Variants in C6 observed in about 807,000 individuals in gnomAD.
The protein encoded by C6 is complement component C6.
In C6, 101 loss-of-function variants were observed where a neutral mutation model predicts 112.9. The ratio of observed to expected loss-of-function variants is 0.89; its 90% CI spans 0.76 to 1.06. The LOEUF (loss-of-function observed/expected upper bound fraction) is 1.06. Among genes scored for constraint, C6 ranks in the 50% least tolerant of loss-of-function variants. C6 has a pLI of 0.00. For missense variants in C6, 1,202 were observed against 1,104.6 expected (o/e 1.09, Z -1.25); for synonymous variants, 431 against 384.1 (o/e 1.12, Z -1.43).
chr5:41,162,323 A>G (rs553355392), intron 9 of C6, among the ~76,000 whole-genome samples: 167 of 152,282 alleles, frequency 1.1e-3, no homozygotes, highest in Non-Finnish European at 2.0e-3. Context: ...CCAGAATAAG[A>G]TAAGTCACAT....
chr5:41,176,365 A>G lies in C6; in HGVS notation c.1168+110T>C. On this transcript the variant is annotated intron_variant, in intron 8 of 17. Transcript: ENST00000337836. ...ATTCTTCATATCATTTTGGAAATAA[A>G]GCAGGATCTAAATAAAGTCAAAGCA... 3.6e-6 allele frequency: 4 copies of G among 1,103,382 alleles called. No homozygotes were observed. In the South Asian group the frequency reaches 6.1e-5, roughly 17 times the overall value. The allele number at this position is 1,103,382 out of a possible 1,614,324, so 68.3% of individuals were successfully genotyped here.
At position 41,149,993 on chromosome 5, in the gene C6, G is replaced by A; in HGVS notation, c.2323C>T (p.Leu775=). 3 of 1,612,808 alleles carry A rather than the reference G, an allele frequency of 1.9e-6. No homozygotes were observed. Among genetic ancestry groups the A allele is most frequent in the Non-Finnish European group, 2.5e-6 (3 of 1,178,948 alleles). The change falls in exon 16 of 18, where the codon CTG becomes TTG. Residue 775 remains leucine, a synonymous_variant. Transcript: ENST00000337836. Reference sequence around the variant, plus strand: ...TCAGATCCTGATTGTTTCTGTCCCAGCTGACAATGGCCTTTTAATTTTGTT... The same window carrying A: ...TCAGATCCTGATTGTTTCTGTCCCAACTGACAATGGCCTTTTAATTTTGTT... The part of the protein sequence containing the change: ...TLTKLKGHCQ[L]GQKQSGSECI...
upstream of C6, among the ~76,000 whole-genome samples, chr5:41,216,671 G>A (rs1215796088): frequency 1.3e-5 from 2 of 151,998 alleles, no homozygotes; most frequent in South Asian, 2.1e-4. Flanking sequence ...TCTCTTCTAT[G>A]CATTCCTCAT....
intron 1 of C6, among the ~76,000 whole-genome samples, chr5:41,254,459 T>C (rs1280301958): frequency 6.6e-6 from 1 of 152,170 alleles, no homozygotes; most frequent in African/African-American, 2.4e-5. Flanking sequence ...CCTTAGCTAG[T>C]AAAATAGAGT....
chr5:41,233,304 A>G (rs987468886), intron 1 of C6, among the ~76,000 whole-genome samples: 9 of 152,152 alleles, frequency 5.9e-5, no homozygotes, highest in Non-Finnish European at 1.2e-4. Context: ...TTGTGGCACA[A>G]AAGATATGGG....
intron 15 of C6, among the ~76,000 whole-genome samples, chr5:41,151,482 A>G (rs1746386808): frequency 6.6e-6 from 1 of 152,208 alleles, no homozygotes; most frequent in Non-Finnish European, 1.5e-5. Context: ...AGAGTTCCCT[A>G]CTGTAGATGT....
At chr5:41,180,885 T>C (rs1749274518) in intron 7 of C6, among the ~76,000 whole-genome samples, 1 of 147,894 alleles carries the variant, frequency 6.8e-6, no homozygotes, top group African/African-American at 2.5e-5. Flanking sequence ...AAAAGGAATA[T>C]AAGAGGAAAA....
rs1750889791 is a variant in C6, at chr5:41,199,989, C to A, written c.301-77G>T. 1.0e-5 allele frequency: 13 copies of A among 1,299,382 alleles called. No individual in the cohort carries two copies. The South Asian group carries it at 1.2e-4, about 12-fold the overall frequency. The allele number at this position is 1,299,382 out of a possible 1,614,324, so 80.5% of individuals were successfully genotyped here. A position where few individuals can be genotyped will look rare whatever the true frequency, so the allele number is the denominator to read the frequency against. On this transcript the variant is annotated intron_variant, in intron 3 of 17. Transcript: ENST00000337836. ...ATGTACCTAAGAAAACTGGGCTCCT[C>A]AATCACAACAGTGATTTTTCCTATG...
chr5:41,223,754 G>T (rs770882419), intron 1 of C6, among the ~76,000 whole-genome samples: 13 of 152,084 alleles, frequency 8.5e-5, no homozygotes, highest in Non-Finnish European at 1.9e-4. Flanking sequence ...GCTGGCAACA[G>T]AAACCGTACT....
intron 5 of C6, among the ~76,000 whole-genome samples, chr5:41,188,501 G>A (rs904033010): frequency 2.6e-5 from 4 of 151,976 alleles, no homozygotes; most frequent in African/African-American, 9.7e-5. Flanking sequence ...TTCAACAAGG[G>A]TGCCAAGACA....
intron 10 of C6, among the ~76,000 whole-genome samples, chr5:41,161,091 T>G (rs1463329882): frequency 6.6e-6 from 1 of 152,198 alleles, no homozygotes; most frequent in East Asian, 1.9e-4. Flanking sequence ...AAACCTTTTA[T>G]CTTCATTTAA....
At chr5:41,149,562 A>T (rs1305524492) in intron 16 of C6, 80 bp from the exon 17 acceptor site, 2 of 1,573,344 alleles carry the variant, frequency 1.3e-6, no homozygotes, top group East Asian at 4.5e-5. Context: ...TAGTGTGTTC[A>T]CTCACCAACC....
chr5:41,158,837 A>C (rs774130582), intron 12 of C6, 52 bp from the exon 13 acceptor site: 1 of 1,103,110 alleles, frequency 9.1e-7, no homozygotes, highest in South Asian at 1.2e-5. Context: ...ACACACATTT[A>C]CATGTGTGTA....
intron 1 of C6, among the ~76,000 whole-genome samples, chr5:41,209,578 T>G (rs1192658586): frequency 6.6e-6 from 1 of 150,846 alleles, no homozygotes; most frequent in Non-Finnish European, 1.5e-5. Flanking sequence ...ATACCCATAA[T>G]AGACAGAGAG....
Position 41,181,496 on chromosome 5 carries a change from T to A in C6, c.790A>T (p.Asn264Tyr). 6.2e-7 allele frequency: 1 copy of A among 1,613,804 alleles called. No homozygotes were observed. Among genetic ancestry groups the A allele is most frequent in the Non-Finnish European group, 8.5e-7 (1 of 1,179,850 alleles). ...GAGAATGAGCCTTGTTGATTTTCAT[T>A]GTGTCCAAGAGAAGTTAAATCCTTG... ...FYKDLTSLGH[N>Y]ENQQGSFSSQ... is the part of the protein sequence containing the mutation. The change falls in exon 7 of 18, where the codon AAT becomes TAT. Residue 264 changes from asparagine to tyrosine, a missense_variant. By Grantham distance (143) the Asn-to-Tyr change is moderately radical. Coordinates refer to ENST00000337836, the MANE Select transcript of C6 (RefSeq NM_000065.5).
At chr5:41,235,018 A>C (rs1740169806) in intron 1 of C6, among the ~76,000 whole-genome samples, 1 of 150,174 alleles carries the variant, frequency 6.7e-6, no homozygotes, top group Non-Finnish European at 1.5e-5. Context: ...GCCAAAAATG[A>C]GGATAATATT....
upstream of C6, chr5:41,213,617 A>G: frequency 1.1e-6 from 1 of 900,860 alleles, no homozygotes; most frequent in Non-Finnish European, 1.3e-6. Context: ...GTAACCCTGA[A>G]ACTCTGGGTG....
chr5:41,206,698 C>A (rs1211657742), intron 1 of C6, among the ~76,000 whole-genome samples: 2 of 152,096 alleles, frequency 1.3e-5, no homozygotes, highest in African/African-American at 4.8e-5. Context: ...AAGAAATGAA[C>A]GAAGCCTCCA....
At chr5:41,180,000 T>C (rs1267752741) in intron 7 of C6, among the ~76,000 whole-genome samples, 1 of 152,146 alleles carries the variant, frequency 6.6e-6, no homozygotes, top group East Asian at 1.9e-4. Flanking sequence ...TAAATGTTCG[T>C]TGAATTAAAA....
Sources: allele counts gnomAD v4.1 joint callset (sites outside exome capture counted in the v4.1 genomes callset), GRCh38; gene constraint gnomAD v4.1.1; transcripts MANE v1.5; gene names NCBI Gene and HGNC (gene_info 2026-07-23, HGNC 2026-07-21).